ZNF627: variants seen among roughly 807,000 people sequenced by gnomAD.
ZNF627 encodes the protein zinc finger protein 627.
In ZNF627, 12 loss-of-function variants were observed where a neutral mutation model predicts 10.6. The ratio of observed to expected loss-of-function variants is 1.13; its 90% CI spans 0.73 to 1.84. ZNF627 has a LOEUF of 1.84. Among genes scored for constraint, ZNF627 ranks in the 40% most tolerant of loss-of-function variants. The probability of loss-of-function intolerance (pLI) is 0.00; values close to 1 mark genes in which losing one functional copy is unlikely to be tolerated. For synonymous variants in ZNF627, 176 were observed against 187.1 expected (o/e 0.94, Z 0.48); for missense variants, 504 against 568.4 (o/e 0.89, Z 1.15).
intron 1 of ZNF627, among the ~76,000 whole-genome samples, chr19:11,605,507 A>T (rs973476967): frequency 6.6e-6 from 1 of 152,104 alleles, no homozygotes. Context: ...GGAAGCAAAC[A>T]TGTCCTTCTT....
intron 1 of ZNF627, among the ~76,000 whole-genome samples, chr19:11,597,991 C>G (rs1198416940): frequency 6.6e-6 from 1 of 152,196 alleles, no homozygotes; most frequent in Non-Finnish European, 1.5e-5. Context: ...GAGCAAACAG[C>G]GGCTCATCGA....
At chr19:11,605,298 G>A (rs1973655945) in intron 1 of ZNF627, among the ~76,000 whole-genome samples, 1 of 151,576 alleles carries the variant, frequency 6.6e-6, no homozygotes, top group Admixed American at 6.6e-5. Flanking sequence ...TCTTGGCCAG[G>A]GTGGTCTTGA....
chr19:11,597,762 A>T, intron 1 of ZNF627, 132 bp downstream of exon 1: 1 of 1,009,832 alleles, frequency 9.9e-7, no homozygotes, highest in Non-Finnish European at 1.3e-6. Context: ...CCTCGGCCGC[A>T]AGGTGGGGCT....
Position 11,617,600 on chromosome 19 carries a change from A to G in ZNF627, c.1097A>G (p.Lys366Arg), listed in dbSNP as rs1460990441. 3.1e-6 allele frequency: 5 copies of G among 1,613,834 alleles called. No individual in the cohort carries two copies. The South Asian group carries it at 5.5e-5, about 18-fold the overall frequency. Reference protein sequence around the residue: ...THTGEKPYDCKQCGKAFSCSS... With the variant: ...THTGEKPYDCRQCGKAFSCSS... ...ACTGGAGAGAAACCCTATGATTGTA[A>G]GCAATGTGGGAAAGCCTTCAGTTGT... The change falls in exon 4 of 4, where the codon AAG (lysine) becomes AGG (arginine). Residue 366 changes from lysine to arginine, a missense_variant. Lys to Arg is a conservative substitution (Grantham distance 26). Coordinates refer to ENST00000361113, the MANE Select transcript of ZNF627 (RefSeq NM_145295.4).
At chr19:11,598,552 G>A (rs1973531861) in intron 1 of ZNF627, among the ~76,000 whole-genome samples, 1 of 152,128 alleles carries the variant, frequency 6.6e-6, no homozygotes, top group African/African-American at 2.4e-5. Context: ...CACTCCCCAG[G>A]GGGACAGGGT....
rs1372778288 is a variant in ZNF627 at position 11,617,408 on chromosome 19, C to G, written c.905C>G (p.Thr302Ser). The G allele has an allele frequency of 1.2e-6, 2 of 1,613,928 alleles. No homozygotes were observed. The highest frequency in any genetic ancestry group is 1.7e-6 in the Non-Finnish European group (2 of 1,180,022). ...GTTCGAAGTCACGAGAGGACTCACA[C>G]CGGAGAGAAACTTTTTGAATGTAAG... ...SSVRSHERTH[T>S]GEKLFECKEC... The change falls in exon 4 of 4, where the codon ACC (threonine) becomes AGC (serine). Residue 302 changes from threonine (T) to serine (S), a missense_variant. By Grantham distance (58) the Thr-to-Ser change is moderately conservative. Transcript: ENST00000361113.
rs772256954 is a variant in ZNF627, at chr19:11,614,810, C to T, written c.131-17C>T. On this transcript the variant is annotated splice_polypyrimidine_tract_variant and intron_variant, in intron 2 of 3. Transcript: ENST00000361113. ...TTTATACTAATTCATAATGACTTTTCTGGGTCTAAATTTTAGGAAAACAAT... is the reference window on the plus strand; with the variant it reads ...TTTATACTAATTCATAATGACTTTTTTGGGTCTAAATTTTAGGAAAACAAT... The T allele has an allele frequency of 1.5e-5, 24 of 1,598,208 alleles. No individual in the cohort carries two copies. In the South Asian group the frequency reaches 2.6e-4, roughly 17 times the overall value.
intron 1 of ZNF627, among the ~76,000 whole-genome samples, chr19:11,600,428 A>C (rs1267054776): frequency 6.6e-6 from 1 of 152,154 alleles, no homozygotes; most frequent in Non-Finnish European, 1.5e-5. Context: ...CAACAGAGCA[A>C]GACTCCATCT....
At chr19:11,614,069 C>G (rs913181660) in intron 1 of ZNF627, among the ~76,000 whole-genome samples, 1 of 151,910 alleles carries the variant, frequency 6.6e-6, no homozygotes, top group Non-Finnish European at 1.5e-5. Context: ...CTATGGGCAC[C>G]CACCACCGTG....
chr19:11,614,366 G>A (rs879581125), intron 1 of ZNF627, among the ~76,000 whole-genome samples, 161 bp from the exon 2 acceptor site: 11 of 152,158 alleles, frequency 7.2e-5, no homozygotes, highest in Non-Finnish European at 1.3e-4. Context: ...ATTGCTTTGT[G>A]GAAGGAAGTG....
intron 1 of ZNF627, among the ~76,000 whole-genome samples, chr19:11,610,724 G>A (rs951516875): frequency 6.6e-6 from 1 of 152,140 alleles, no homozygotes; most frequent in Non-Finnish European, 1.5e-5. Context: ...CATTTGTATT[G>A]ATTTTGCCTA....
At position 11,618,890 on chromosome 19, in the gene ZNF627, A is replaced by G. The variant is rs7531; in HGVS notation, c.*1001A>G. 63,562 of 152,014 alleles carry G rather than the reference A, an allele frequency of 0.42. 13,589 individuals are homozygous for G. The highest frequency in any genetic ancestry group is 0.47 in the Admixed American group (7,241 of 15,268). The allele number at this position is 152,014 out of a possible 1,614,324, so 9.4% of individuals were successfully genotyped here. ...AAGTTTATAATTTTGGCAAATTGTT[A>G]AGACACTGTGAAGTCAGCGTTAACC... On this transcript the variant is annotated 3_prime_UTR_variant, in exon 4 of 4. Transcript: ENST00000361113.
At chr19:11,615,716 C>CCT (rs2051422505) in intron 3 of ZNF627, among the ~76,000 whole-genome samples, 2 of 131,468 alleles carry the variant, frequency 1.5e-5, no homozygotes, top group African/African-American at 5.6e-5. Context: ...ATACGAATAT[C>CCT]TTTTTTTTTT....
chr19:11,616,812 C>T lies in ZNF627; in HGVS notation c.309C>T (p.Ser103=). Residue 103 remains serine, a synonymous_variant, in exon 4 of 4, where the codon AGC becomes AGT. Transcript: ENST00000361113. ...CTCCTGGAGTAAAACCGTGTGAAAG[C>T]AGTGTGTGTGGAGAAGTTGGCATGG... is the stretch of plus-strand genomic sequence containing the variant. The part of the protein sequence containing the change: ...KKTPGVKPCE[S]SVCGEVGMGP... 1 of 1,613,994 alleles carries T rather than the reference C, an allele frequency of 6.2e-7. No homozygotes were observed. Among genetic ancestry groups the T allele is most frequent in the Non-Finnish European group, 8.5e-7 (1 of 1,179,990 alleles).
intron 1 of ZNF627, among the ~76,000 whole-genome samples, chr19:11,602,042 C>T (rs1973595146): frequency 6.8e-6 from 1 of 146,822 alleles, no homozygotes; most frequent in Non-Finnish European, 1.5e-5. Context: ...CTGCAAGCAT[C>T]TCAGAGTTTA....
chr19:11,617,874 C>T lies in ZNF627; in HGVS notation c.1371C>T (p.Val457=). 1 of 1,539,382 alleles carries T rather than the reference C, an allele frequency of 6.5e-7. No homozygotes were observed. Among genetic ancestry groups the T allele is most frequent in the Non-Finnish European group, 8.7e-7 (1 of 1,152,514 alleles). The change falls in exon 4 of 4, where the codon GTC becomes GTT. Residue 457 remains valine, a synonymous_variant. Coordinates refer to ENST00000361113, the MANE Select transcript of ZNF627 (RefSeq NM_145295.4). The part of the protein sequence containing the change: ...YENPNPNASV[V]PVLS ...ACCCTAACCCTAACGCTTCAGTTGTCCCAGTTCTTTCATGAGCATGAAAGG... is the reference window on the plus strand; with the variant it reads ...ACCCTAACCCTAACGCTTCAGTTGTTCCAGTTCTTTCATGAGCATGAAAGG...
chr19:11,597,889 C>T (rs2145118393), intron 1 of ZNF627, among the ~76,000 whole-genome samples: 1 of 152,342 alleles, frequency 6.6e-6, no homozygotes. Context: ...GGGGGTATCC[C>T]TCCTCGGATG....
intron 1 of ZNF627, among the ~76,000 whole-genome samples, chr19:11,602,653 C>T (rs1772085285): frequency 6.6e-6 from 1 of 152,106 alleles, no homozygotes; most frequent in African/African-American, 2.4e-5. Flanking sequence ...TGTGGGGTCC[C>T]CGTTAACTCT....
intron 1 of ZNF627, among the ~76,000 whole-genome samples, chr19:11,602,419 G>A (rs905087902): frequency 5.9e-5 from 9 of 152,154 alleles, no homozygotes; most frequent in Non-Finnish European, 8.8e-5. Flanking sequence ...GTTTCTTTGC[G>A]TAACCTGCTC....
Sources: allele counts gnomAD v4.1 joint callset (sites outside exome capture counted in the v4.1 genomes callset), GRCh38; gene constraint gnomAD v4.1.1; transcripts MANE v1.5; gene names NCBI Gene and HGNC (gene_info 2026-07-23, HGNC 2026-07-21).